DLGAP2: variants seen among roughly 807,000 people sequenced by gnomAD.
DLGAP2 encodes the protein DLG associated protein 2.
Under a neutral mutation model 100.3 loss-of-function variants are expected in DLGAP2, and 26 were observed. That is an observed-to-expected ratio of 0.26 (90% CI 0.19 to 0.36). DLGAP2 has a LOEUF of 0.36. Among genes scored for constraint, DLGAP2 ranks in the 10% least tolerant of loss-of-function variants. The pLI, the probability that DLGAP2 is intolerant of heterozygous loss-of-function variation, is 1.00. For synonymous variants in DLGAP2, 886 were observed against 630.1 expected, an observed-to-expected ratio of 1.41 and a Z score of -6.08; for missense variants, 1,858 against 1,453.2, an observed-to-expected ratio of 1.28 and a Z score of -4.53.
At position 1,131,237 on chromosome 8, in the gene DLGAP2, G is replaced by A. The variant is rs558873969; in HGVS notation, c.74-127614G>A. Among the ~76,000 whole-genome samples the A allele has an allele frequency of 5.3e-5, 8 of 152,214 alleles. No individual in the cohort carries two copies. In the East Asian group the frequency reaches 1.5e-3, roughly 29 times the overall value. ...TCAGAGTCAGGGGTGCCGGGCACGT[G>A]CCTGCTTTCAGGAAAAACGAGTGAC... On this transcript the variant is annotated intron_variant, in intron 2 of 14. Coordinates refer to ENST00000637795, the MANE Select transcript of DLGAP2 (RefSeq NM_001346810.2).
intron 3 of DLGAP2, among the ~76,000 whole-genome samples, chr8:1,426,262 A>G (rs570806985): frequency 4.6e-4 from 70 of 152,346 alleles, no homozygotes; most frequent in African/African-American, 1.6e-3. Flanking sequence ...ACAGATGTCT[A>G]TGAAAAACGA....
intron 2 of DLGAP2, among the ~76,000 whole-genome samples, chr8:1,022,786 T>C (rs943455355): frequency 6.6e-6 from 1 of 151,886 alleles, no homozygotes. Flanking sequence ...CATGCCGAGG[T>C]AGACACTCCA....
Position 1,701,192 on chromosome 8 carries a change from A to C in DLGAP2, c.2954A>C (p.Glu985Ala). The C allele has an allele frequency of 1.0e-5, 16 of 1,559,170 alleles. No homozygotes were observed. The highest frequency in any genetic ancestry group is 1.4e-5 in the Non-Finnish European group (16 of 1,152,820). ...KMMESPERKEERKVPPPIPKK... is the reference protein window; with the variant it reads ...KMMESPERKEARKVPPPIPKK... ...GTGACTTGCGCTGCTTTTCAGGAAG[A>C]AAGAAAGGTCCCGCCTCCAATACCA... is the stretch of plus-strand genomic sequence containing the variant. The change falls in exon 15 of 15, where the codon GAA becomes GCA. Residue 985 changes from glutamate to alanine, a missense_variant. Physicochemically the swap from Glu to Ala is moderately radical, Grantham distance 107. Transcript: ENST00000637795.
intron 4 of DLGAP2, among the ~76,000 whole-genome samples, chr8:1,543,112 C>G (rs1318344140): frequency 6.6e-6 from 1 of 152,220 alleles, no homozygotes; most frequent in African/African-American, 2.4e-5. Context: ...AGTTCCTTCA[C>G]AAATACGTGA....
chr8:1,173,809 G>A (rs544495206), intron 2 of DLGAP2, among the ~76,000 whole-genome samples: 54 of 152,196 alleles, frequency 3.5e-4, no homozygotes, highest in Admixed American at 7.2e-4. Context: ...CTAGGAAAGG[G>A]AACTCTCTGA....
chr8:744,365 C>T (rs948527418), intron 1 of DLGAP2, among the ~76,000 whole-genome samples: 2 of 152,214 alleles, frequency 1.3e-5, no homozygotes, highest in African/African-American at 4.8e-5. Flanking sequence ...GGGTCTTGAT[C>T]ACCCTTGAAC....
chr8:1,707,736 T>C lies in DLGAP2; in HGVS notation c.*6330T>C, dbSNP rs950900614. 7 of 152,202 alleles carry C rather than the reference T, an allele frequency of 4.6e-5. No individual in the cohort carries two copies. The highest frequency in any genetic ancestry group is 3.9e-4 in the Admixed American group (6 of 15,264). 9.4% of individuals were successfully genotyped at this position (152,202 alleles called of 1,614,324 possible). On this transcript the variant is annotated 3_prime_UTR_variant, in exon 15 of 15. Transcript: ENST00000637795. Reference sequence around the variant, plus strand: ...CCTCCTATAGAAATTCAAGGAATGTTAGAACCAGGAAACTAGCTGTTTAAA... The same window carrying C: ...CCTCCTATAGAAATTCAAGGAATGTCAGAACCAGGAAACTAGCTGTTTAAA...
chr8:944,544 G>A (rs1022656215), intron 2 of DLGAP2, among the ~76,000 whole-genome samples: 46 of 150,056 alleles, frequency 3.1e-4, no homozygotes, highest in African/African-American at 1.1e-3. Context: ...GGTGGCAGTC[G>A]ATCCCTGTGG....
Position 1,668,695 on chromosome 8 carries a change from G to T in DLGAP2, c.2160+17G>T. 6.7e-7 allele frequency: 1 copy of T among 1,502,394 alleles called. No individual in the cohort carries two copies. Among genetic ancestry groups the T allele is most frequent in the Non-Finnish European group, 8.9e-7 (1 of 1,121,744 alleles). The allele number at this position is 1,502,394 out of a possible 1,614,324, so 93.1% of individuals were successfully genotyped here. A position where few individuals can be genotyped will look rare whatever the true frequency, so the allele number is the denominator to read the frequency against. On this transcript the variant is annotated intron_variant, in intron 9 of 14. Coordinates refer to ENST00000637795, the MANE Select transcript of DLGAP2 (RefSeq NM_001346810.2). The stretch of plus-strand genomic sequence containing the variant: ...GGGATTCAGGTAGCTGCTCTTGGCC[G>T]CCCGTCAGGGCCTCGCTCCACTCAG...
chr8:1,678,791 T>A lies in DLGAP2; in HGVS notation c.2704+162T>A, dbSNP rs528292637. ...TCCCCCTCAATTCTAAGAAAAGATA[T>A]AAATTACATGAAAAGAGAAGCAGTC... On this transcript the variant is annotated intron_variant, in intron 12 of 14. Coordinates refer to ENST00000637795, the MANE Select transcript of DLGAP2 (RefSeq NM_001346810.2). The A allele has an allele frequency of 3.1e-5, 24 of 782,044 alleles. No individual in the cohort carries two copies. In the South Asian group the frequency reaches 8.0e-4, roughly 26 times the overall value. The allele number at this position is 782,044 out of a possible 1,614,324, so 48.4% of individuals were successfully genotyped here.
intron 2 of DLGAP2, among the ~76,000 whole-genome samples, chr8:1,036,873 C>A (rs938723634): frequency 6.6e-6 from 1 of 152,148 alleles, no homozygotes; most frequent in Non-Finnish European, 1.5e-5. Flanking sequence ...TTGATTTTAC[C>A]CCTTGAAACA....
intron 2 of DLGAP2, among the ~76,000 whole-genome samples, chr8:930,313 C>G (rs7000101): frequency 0.3 from 45,853 of 152,082 alleles, 7,187 homozygotes; most frequent in Admixed American, 0.39. Context: ...CGGCCACCAG[C>G]GTTTAAAGAC....
At chr8:1,618,099 G>A (rs955447843) in intron 6 of DLGAP2, among the ~76,000 whole-genome samples, 1 of 152,078 alleles carries the variant, frequency 6.6e-6, no homozygotes, top group South Asian at 2.1e-4. Context: ...GGAGGTCCTC[G>A]CCAGACACAG....
chr8:1,189,721 G>A (rs1399476349), intron 2 of DLGAP2, among the ~76,000 whole-genome samples: 4 of 147,892 alleles, frequency 2.7e-5, no homozygotes, highest in Admixed American at 2.1e-4. Context: ...TATGAAGCGA[G>A]CTCGAGTTAT....
intron 3 of DLGAP2, among the ~76,000 whole-genome samples, chr8:1,306,951 CAG>C (rs1438182049): frequency 1.3e-5 from 2 of 151,890 alleles, no homozygotes; most frequent in African/African-American, 4.8e-5. Flanking sequence ...CAGAAGAAAA[CAG>C]AGAGGATAAG....
intron 5 of DLGAP2, among the ~76,000 whole-genome samples, chr8:1,561,954 T>G (rs1469723602): frequency 1.5e-5 from 1 of 64,714 alleles, no homozygotes; most frequent in African/African-American, 6.0e-5. Flanking sequence ...TGTGTGGTGT[T>G]GGGGTGTCCG....
intron 2 of DLGAP2, among the ~76,000 whole-genome samples, chr8:1,026,515 G>A (rs1222262620): frequency 1.3e-5 from 2 of 152,164 alleles, no homozygotes; most frequent in Non-Finnish European, 2.9e-5. Context: ...TGGGCTGCCA[G>A]TTTTTCTAAT....
At chr8:1,623,955 T>C (rs917197753) in intron 6 of DLGAP2, among the ~76,000 whole-genome samples, 3 of 152,370 alleles carry the variant, frequency 2.0e-5, no homozygotes, top group East Asian at 1.9e-4. Context: ...AGAGAATATG[T>C]ATTTGAAACA....
At chr8:1,173,808 G>A (rs1203138871) in intron 2 of DLGAP2, among the ~76,000 whole-genome samples, 2 of 152,196 alleles carry the variant, frequency 1.3e-5, no homozygotes, top group Non-Finnish European at 1.5e-5. Context: ...ACTAGGAAAG[G>A]GAACTCTCTG....
Sources: gnomAD v4.1 joint callset for allele counts (sites outside exome capture counted in the v4.1 genomes callset) on GRCh38, gnomAD v4.1.1 for gene constraint, MANE v1.5 for transcripts, NCBI Gene and HGNC (gene_info 2026-07-23, HGNC 2026-07-21) for gene names.